Variants in HS2ST1 observed in about 807,000 individuals in gnomAD.
The protein encoded by HS2ST1 is heparan sulfate 2-O-sulfotransferase 1.
A neutral mutation model predicts 42.9 loss-of-function variants in HS2ST1; 18 were observed. The ratio of observed to expected loss-of-function variants is 0.42; its 90% CI spans 0.29 to 0.62. The LOEUF (loss-of-function observed/expected upper bound fraction) is 0.62. HS2ST1 is among the 20% of genes least tolerant of loss of function. The probability of loss-of-function intolerance (pLI) is 0.21; values close to 1 mark genes in which losing one functional copy is unlikely to be tolerated. For missense variants in HS2ST1, 334 were observed against 433.8 expected, an observed-to-expected ratio of 0.77 and a Z score of 2.04; for synonymous variants, 146 against 152.9, an observed-to-expected ratio of 0.95 and a Z score of 0.33.
At chr1:86,956,161 TCAG>T (rs1346339601) in intron 1 of HS2ST1, among the ~76,000 whole-genome samples, 1 of 147,826 alleles carries the variant, frequency 6.8e-6, no homozygotes, top group Non-Finnish European at 1.5e-5. Context: ...GGAAAGGACT[TCAG>T]CAACAATTTT....
intron 1 of HS2ST1, among the ~76,000 whole-genome samples, chr1:87,000,387 G>A (rs1649247994): frequency 6.6e-6 from 1 of 152,138 alleles, no homozygotes; most frequent in Admixed American, 6.5e-5. Flanking sequence ...TTAAATGCCT[G>A]TTTCTAGTAT....
At chr1:87,010,380 A>T (rs1489275702) in intron 1 of HS2ST1, among the ~76,000 whole-genome samples, 2 of 152,182 alleles carry the variant, frequency 1.3e-5, no homozygotes, top group African/African-American at 2.4e-5. Flanking sequence ...AGGAAATAAC[A>T]GTAAAATCAG....
intron 1 of HS2ST1, chr1:87,045,401 T>C (rs1009259527): frequency 2.7e-6 from 4 of 1,458,164 alleles, no homozygotes; most frequent in Non-Finnish European, 2.9e-6. Context: ...TCCTTTCCCA[T>C]CTTCAATTTG....
chr1:87,092,974 G>T (rs1651981527), intron 4 of HS2ST1, among the ~76,000 whole-genome samples: 1 of 151,898 alleles, frequency 6.6e-6, no homozygotes, highest in Admixed American at 6.6e-5. Flanking sequence ...ATATTTTTGT[G>T]TATTTTTTGG....
rs1158478792 is a variant in HS2ST1 at position 87,003,705 on chromosome 1, C to T, written c.125-69229C>T. Among the ~76,000 whole-genome samples the T allele has an allele frequency of 7.3e-5, 5 of 68,418 alleles. No individual in the cohort carries two copies. In the Admixed American group the frequency reaches 8.1e-4, roughly 11 times the overall value. The allele number at this position is 68,418 out of a possible 152,430, so 44.9% of individuals were successfully genotyped here. ...TGGTTGCTTCTGTACTGAAGATGTA[C>T]AGACTTTTTTTTTTCTTGTCATTAT... On this transcript the variant is annotated intron_variant, in intron 1 of 6. Transcript: ENST00000370550.
intron 1 of HS2ST1, among the ~76,000 whole-genome samples, chr1:86,936,369 G>C (rs1570432032): frequency 1.3e-5 from 2 of 151,986 alleles, no homozygotes; most frequent in South Asian, 4.2e-4. Flanking sequence ...TATACTTTTT[G>C]TGCCTAATTT....
chr1:87,089,998 G>T (rs1429885334), intron 3 of HS2ST1, among the ~76,000 whole-genome samples: 1 of 151,934 alleles, frequency 6.6e-6, no homozygotes, highest in African/African-American at 2.4e-5. Flanking sequence ...ATAATGGAGA[G>T]GATAGAGAGG....
intron 1 of HS2ST1, among the ~76,000 whole-genome samples, chr1:86,940,522 T>C (rs1660740150): frequency 6.6e-6 from 1 of 152,246 alleles, no homozygotes; most frequent in Non-Finnish European, 1.5e-5. Flanking sequence ...ATTATTGTCA[T>C]ATTCATTAGG....
chr1:87,097,248 A>AACATAAC (rs537808503), intron 4 of HS2ST1, among the ~76,000 whole-genome samples: 214 of 152,362 alleles, frequency 1.4e-3, no homozygotes, highest in Middle Eastern at 0.01. Flanking sequence ...GGAAAGACAG[A>AACATAAC]ACATAACACA....
At chr1:86,916,137 T>C (rs1660152614) in intron 1 of HS2ST1, among the ~76,000 whole-genome samples, 1 of 152,184 alleles carries the variant, frequency 6.6e-6, no homozygotes, top group Non-Finnish European at 1.5e-5. Context: ...CTTTGGCATT[T>C]GGAAGAGCTC....
intron 1 of HS2ST1, among the ~76,000 whole-genome samples, chr1:86,925,238 T>C (rs927132626): frequency 2.0e-5 from 3 of 152,220 alleles, no homozygotes; most frequent in Non-Finnish European, 4.4e-5. Flanking sequence ...TTATTGTTCA[T>C]ATCACTATCA....
At chr1:87,033,639 G>A (rs1650295670) in intron 1 of HS2ST1, among the ~76,000 whole-genome samples, 1 of 152,144 alleles carries the variant, frequency 6.6e-6, no homozygotes, top group African/African-American at 2.4e-5. Flanking sequence ...CGCCTTCCGG[G>A]TTCAAGCAAT....
chr1:86,941,514 G>GT (rs1436739262), intron 1 of HS2ST1, among the ~76,000 whole-genome samples: 1 of 152,066 alleles, frequency 6.6e-6, no homozygotes, highest in Non-Finnish European at 1.5e-5. Context: ...GCTCACACCT[G>GT]TAATCCCAGC....
intron 1 of HS2ST1, among the ~76,000 whole-genome samples, chr1:86,989,998 T>C (rs995930821): frequency 3.3e-5 from 5 of 152,082 alleles, no homozygotes; most frequent in Non-Finnish European, 5.9e-5. Context: ...TCCAAGTCTT[T>C]GCTATTGTGA....
At chr1:86,984,435 T>C (rs1051897223) in intron 1 of HS2ST1, among the ~76,000 whole-genome samples, 1 of 152,194 alleles carries the variant, frequency 6.6e-6, no homozygotes, top group Non-Finnish European at 1.5e-5. Context: ...AATCCCTGCA[T>C]TGAAGTGAGA....
At chr1:86,930,860 G>A (rs2102164129) in intron 1 of HS2ST1, among the ~76,000 whole-genome samples, 1 of 152,082 alleles carries the variant, frequency 6.6e-6, no homozygotes, top group South Asian at 2.1e-4. Flanking sequence ...GGCACTTACA[G>A]GAGAAATTAA....
intron 1 of HS2ST1, among the ~76,000 whole-genome samples, chr1:86,958,272 CAA>C (rs1405153582): frequency 6.6e-6 from 1 of 152,194 alleles, no homozygotes; most frequent in Non-Finnish European, 1.5e-5. Flanking sequence ...CCACTTAACA[CAA>C]ATTTTGTGTG....
chr1:86,983,983 T>C (rs963626441), intron 1 of HS2ST1, among the ~76,000 whole-genome samples: 2 of 150,932 alleles, frequency 1.3e-5, no homozygotes, highest in African/African-American at 2.4e-5. Flanking sequence ...AAGGTTGTGG[T>C]GAGCTGAGAT....
At chr1:87,083,376 CTCTA>C (rs1453402393) in intron 2 of HS2ST1, among the ~76,000 whole-genome samples, 4 of 152,170 alleles carry the variant, frequency 2.6e-5, no homozygotes, top group African/African-American at 7.2e-5. Flanking sequence ...ACTTTCTGCA[CTCTA>C]TCTAGGTTCT....
Sources: allele counts gnomAD v4.1 joint callset (sites outside exome capture counted in the v4.1 genomes callset), GRCh38; gene constraint gnomAD v4.1.1; transcripts MANE v1.5; gene names NCBI Gene and HGNC (gene_info 2026-07-23, HGNC 2026-07-21).